Variants in DGKB observed in about 807,000 individuals in gnomAD.
The protein encoded by DGKB is diacylglycerol kinase beta.
Under a neutral mutation model 114.3 loss-of-function variants are expected in DGKB, and 67 were observed. The ratio of observed to expected loss-of-function variants is 0.59; its 90% CI spans 0.48 to 0.72. The LOEUF is 0.72. Among genes scored for constraint, DGKB ranks in the 30% least tolerant of loss-of-function variants. The probability of loss-of-function intolerance (pLI) is 0.00; values close to 1 mark genes in which losing one functional copy is unlikely to be tolerated. For synonymous variants in DGKB, 398 were observed against 323.1 expected (o/e 1.23, Z -2.49); for missense variants, 907 against 975.2 (o/e 0.93, Z 0.93).
chr7:14,302,319 G>A (rs1319034927), intron 23 of DGKB, among the ~76,000 whole-genome samples: 1 of 152,034 alleles, frequency 6.6e-6, no homozygotes, highest in Non-Finnish European at 1.5e-5. Context: ...CCTCTATTTT[G>A]GAGTGATGTG....
intron 23 of DGKB, among the ~76,000 whole-genome samples, chr7:14,324,039 CCAGCAGTTAATCAAGA>C (rs1808294502): frequency 6.6e-6 from 1 of 152,048 alleles, no homozygotes; most frequent in Non-Finnish European, 1.5e-5. Flanking sequence ...AAGACAGAAA[CCAGCAGTTAATCAAGA>C]CATTAGTTAA....
intron 13 of DGKB, among the ~76,000 whole-genome samples, chr7:14,670,387 C>T (rs1167158627): frequency 6.6e-6 from 1 of 151,794 alleles, no homozygotes; most frequent in South Asian, 2.1e-4. Flanking sequence ...ACTGCAACCT[C>T]CGCCTCCAGG....
chr7:14,365,295 G>C (rs1057125715), intron 21 of DGKB, among the ~76,000 whole-genome samples: 1 of 152,002 alleles, frequency 6.6e-6, no homozygotes, highest in Non-Finnish European at 1.5e-5. Context: ...ATTTGTACCA[G>C]AATTTGTCTT....
At chr7:14,895,398 T>C (rs1200403507) in intron 1 of DGKB, among the ~76,000 whole-genome samples, 2 of 151,360 alleles carry the variant, frequency 1.3e-5, no homozygotes, top group African/African-American at 4.8e-5. Flanking sequence ...ATAATGGAGG[T>C]TTGCAGGTGG....
chr7:14,625,911 G>C (rs114809282), intron 14 of DGKB, among the ~76,000 whole-genome samples: 119 of 152,260 alleles, frequency 7.8e-4, no homozygotes, highest in African/African-American at 2.8e-3. Context: ...ATAGAATTCA[G>C]TGTTTTGTGA....
intron 13 of DGKB, among the ~76,000 whole-genome samples, chr7:14,636,382 G>T (rs2128863838): frequency 6.6e-6 from 1 of 151,874 alleles, no homozygotes; most frequent in South Asian, 2.1e-4. Context: ...TATTCAATCA[G>T]TGTGAATTAA....
chr7:14,948,778 T>G (rs531220156), intron 1 of DGKB, among the ~76,000 whole-genome samples: 6 of 151,626 alleles, frequency 4.0e-5, no homozygotes, highest in Non-Finnish European at 7.4e-5. Context: ...ACAAAAACAT[T>G]AACAACATAA....
In DGKB at chr7:14,702,135, T is replaced by C. The variant is rs142933947; in HGVS notation, c.467-405A>G. ...AAATCAACTATAATTTGAAATCCACTATTCACAATTATAAGAGCTTGGTCA... is the reference window on the plus strand; with the variant it reads ...AAATCAACTATAATTTGAAATCCACCATTCACAATTATAAGAGCTTGGTCA... On this transcript the variant is annotated intron_variant, in intron 6 of 25. Coordinates refer to ENST00000402815, the MANE Select transcript of DGKB (RefSeq NM_001350709.2). 5.5e-3 allele frequency among the ~76,000 whole-genome samples: 837 copies of C among 152,298 alleles called. 6 individuals carry two copies. Among genetic ancestry groups the C allele is most frequent in the African/African-American group, 0.019 (779 of 41,552 alleles).
intron 20 of DGKB, among the ~76,000 whole-genome samples, chr7:14,563,377 C>A (rs1297681445): frequency 6.6e-6 from 1 of 151,932 alleles, no homozygotes; most frequent in Non-Finnish European, 1.5e-5. Context: ...TTGGTTTTCC[C>A]TGTTTCTTGA....
At chr7:14,873,668 T>C (rs1436491794) in intron 1 of DGKB, among the ~76,000 whole-genome samples, 2 of 151,960 alleles carry the variant, frequency 1.3e-5, no homozygotes, top group African/African-American at 2.4e-5. Flanking sequence ...CACATACATA[T>C]GTATGCACAT....
intron 1 of DGKB, among the ~76,000 whole-genome samples, chr7:14,961,716 C>A (rs184415197): frequency 2.5e-4 from 38 of 152,244 alleles, no homozygotes; most frequent in African/African-American, 8.9e-4. Context: ...TTCTTTCAGA[C>A]CTCCCTGTTG....
chr7:14,386,638 C>G (rs944541512), intron 21 of DGKB, among the ~76,000 whole-genome samples: 7 of 152,188 alleles, frequency 4.6e-5, no homozygotes, highest in African/African-American at 1.7e-4. Flanking sequence ...CCATAAATTA[C>G]TGCTGCCCTC....
At chr7:14,184,727 C>G (rs1783142121) in intron 23 of DGKB, among the ~76,000 whole-genome samples, 1 of 152,098 alleles carries the variant, frequency 6.6e-6, no homozygotes, top group African/African-American at 2.4e-5. Flanking sequence ...GGCATATAAT[C>G]TTGGGAGTTC....
At chr7:14,462,662 C>T (rs1404941408) in intron 21 of DGKB, among the ~76,000 whole-genome samples, 1 of 152,188 alleles carries the variant, frequency 6.6e-6, no homozygotes, top group South Asian at 2.1e-4. Context: ...AATGGCCATA[C>T]TGCCCAAAGT....
intron 20 of DGKB, among the ~76,000 whole-genome samples, chr7:14,546,952 T>G (rs556012457): frequency 2.0e-5 from 3 of 152,314 alleles, no homozygotes; most frequent in South Asian, 2.1e-4. Context: ...TTCCCAACTT[T>G]CCAAAACTAT....
At chr7:14,423,874 A>G (rs1374724279) in intron 21 of DGKB, among the ~76,000 whole-genome samples, 2 of 152,026 alleles carry the variant, frequency 1.3e-5, no homozygotes, top group East Asian at 3.9e-4. Context: ...TGGTAACTCT[A>G]TTCTTGTAGT....
chr7:14,222,592 T>C (rs981630403), intron 23 of DGKB, among the ~76,000 whole-genome samples: 1 of 151,510 alleles, frequency 6.6e-6, no homozygotes, highest in African/African-American at 2.4e-5. Context: ...AAGAAAAGCA[T>C]AGTCTACAGT....
chr7:14,333,453 TC>T (rs1033049573), intron 23 of DGKB, among the ~76,000 whole-genome samples: 1 of 117,072 alleles, frequency 8.5e-6, no homozygotes, highest in East Asian at 2.3e-4. Context: ...AGAGTGAGAC[TC>T]CGTCTTAAAA....
intron 21 of DGKB, among the ~76,000 whole-genome samples, chr7:14,474,023 A>G (rs1311402545): frequency 6.6e-6 from 1 of 152,154 alleles, no homozygotes; most frequent in Non-Finnish European, 1.5e-5. Flanking sequence ...GAAATGAATT[A>G]AGACTTTGGG....
Sources: allele counts gnomAD v4.1 joint callset (sites outside exome capture counted in the v4.1 genomes callset), GRCh38; gene constraint gnomAD v4.1.1; transcripts MANE v1.5; gene names NCBI Gene and HGNC (gene_info 2026-07-23, HGNC 2026-07-21).